The following APOBEC3H variants were observed in gnomAD, a reference collection of about 807,000 sequenced individuals.
The protein encoded by APOBEC3H is DNA dC->dU-editing enzyme APOBEC-3H.
A neutral mutation model predicts 21.2 loss-of-function variants in APOBEC3H; 8 were observed. The ratio of observed to expected loss-of-function variants is 0.38; its 90% CI spans 0.22 to 0.68. The LOEUF (loss-of-function observed/expected upper bound fraction) is 0.68, where lower values mean the gene tolerates loss of function less well. Ranked by LOEUF, APOBEC3H falls within the 30% of genes least tolerant of loss-of-function variation. APOBEC3H has a pLI of 0.52. For synonymous variants in APOBEC3H, 88 were observed against 91.0 expected, an observed-to-expected ratio of 0.97 and a Z score of 0.19; for missense variants, 229 against 228.1, an observed-to-expected ratio of 1.00 and a Z score of -0.03.
In APOBEC3H at chr22:39,102,009, T is replaced by C. The variant is rs756369063; in HGVS notation, c.510T>C (p.Ser170=). ...TGTTAGAGGAGCTAGATAAAAACAG[T>C]CGAGCCATAAAGCGACGGCTTGAGA... ...YKMLEELDKN[S]RAIKRRLERI... Residue 170 remains serine (S), a synonymous_variant, in exon 4 of 5, where the codon AGT becomes AGC. Transcript: ENST00000442487. 1 of 1,595,710 alleles carries C rather than the reference T, an allele frequency of 6.3e-7. No homozygotes were observed. The highest frequency in any genetic ancestry group is 8.5e-7 in the Non-Finnish European group (1 of 1,173,990).
In APOBEC3H at chr22:39,101,300, C is replaced by T; in HGVS notation, c.214C>T (p.Gln72Ter). The T allele has an allele frequency of 3.1e-6, 5 of 1,613,640 alleles. No homozygotes were observed. Among genetic ancestry groups the T allele is most frequent in the Non-Finnish European group, 4.2e-6 (5 of 1,179,952 alleles). Residue 72 changes from glutamine (Q) to a stop codon, truncating the protein, a stop_gained, in exon 3 of 5, where the codon CAG becomes TAG. Coordinates refer to ENST00000442487, the MANE Select transcript of APOBEC3H (RefSeq NM_181773.5). LOFTEE classifies it high-confidence loss of function. Reference protein sequence around the residue: ...EIKSMGLDETQCYQVTCYLTW... With the variant: ...EIKSMGLDET ...CAAGTCCATGGGACTGGACGAAACG[C>T]AGTGCTACCAAGTCACCTGTTACCT... is the stretch of plus-strand genomic sequence containing the variant.
intron 4 of APOBEC3H, 85 bp from the exon 5 acceptor site, chr22:39,103,604 A>G: frequency 6.9e-7 from 1 of 1,439,964 alleles, no homozygotes; most frequent in Non-Finnish European, 9.8e-7. Context: ...TCTCTTCCTA[A>G]TGATCTCATC....
rs1929307895 is a variant in APOBEC3H at position 39,101,292 on chromosome 22, A to G, written c.206A>G (p.Asp69Gly). Residue 69 changes from aspartate (D) to glycine (G), a missense_variant, in exon 3 of 5, where the codon GAC becomes GGC. Transcript: ENST00000442487. ...FINEIKSMGLDETQCYQVTCY... is the reference protein window; with the variant it reads ...FINEIKSMGLGETQCYQVTCY... ...AACGAGATCAAGTCCATGGGACTGG[A>G]CGAAACGCAGTGCTACCAAGTCACC... 1.2e-6 allele frequency: 2 copies of G among 1,613,512 alleles called. No homozygotes were observed. The highest frequency in any genetic ancestry group is 4.5e-5 in the East Asian group (2 of 44,770).
intron 1 of APOBEC3H, among the ~76,000 whole-genome samples, chr22:39,099,829 C>T (rs1929194990): frequency 6.6e-6 from 1 of 152,166 alleles, no homozygotes; most frequent in South Asian, 2.1e-4. Context: ...TGGCCAACAA[C>T]TAAAGGGGAG....
At chr22:39,103,005 T>C (rs1929462556) in intron 4 of APOBEC3H, among the ~76,000 whole-genome samples, 1 of 136,742 alleles carries the variant, frequency 7.3e-6, no homozygotes, top group Non-Finnish European at 1.5e-5. Flanking sequence ...ACTCAACATG[T>C]GCTGAGCATG....
chr22:39,103,893 C>T lies in APOBEC3H; in HGVS notation c.*196C>T, dbSNP rs1385474668. On this transcript the variant is annotated 3_prime_UTR_variant, in exon 5 of 5. Transcript: ENST00000442487. ...CCTGGCCCCATCCAAGTACAGAAGA[C>T]CTTCCTTTCCTCCTTTTTCCATATT... 4.7e-6 allele frequency: 3 copies of T among 644,350 alleles called. No homozygotes were observed. Among genetic ancestry groups the T allele is most frequent in the South Asian group, 3.8e-5 (2 of 53,204 alleles). The allele number at this position is 644,350 out of a possible 1,614,324, so 39.9% of individuals were successfully genotyped here.
intron 1 of APOBEC3H, among the ~76,000 whole-genome samples, chr22:39,099,881 G>T (rs1929199531): frequency 6.6e-6 from 1 of 152,138 alleles, no homozygotes; most frequent in African/African-American, 2.4e-5. Flanking sequence ...GAACAGAAAG[G>T]GTTGGGTTTG....
At chr22:39,103,535 C>A (rs1176525079) in intron 4 of APOBEC3H, among the ~76,000 whole-genome samples, 154 bp from the exon 5 acceptor site, 1 of 152,194 alleles carries the variant, frequency 6.6e-6, no homozygotes, top group East Asian at 1.9e-4. Context: ...TTCTAAGATG[C>A]TCTTGTCACC....
chr22:39,100,282 GCT>G lies in APOBEC3H; in HGVS notation c.7_8del (p.Leu3ValfsTer11), dbSNP rs1369461249. ...CTTTCTGTTGCACAGAAACACGATGGCTCTGTTAACAGCCGAAACATTCCGCT... is the reference window on the plus strand; with the variant it reads ...CTTTCTGTTGCACAGAAACACGATGGCTGTTAACAGCCGAAACATTCCGCT... Reference protein sequence around the residue: MALLTAETFRLQ... With the variant: MXLLTAETFRLQ... On this transcript the variant is annotated frameshift_variant, in exon 2 of 5. Coordinates refer to ENST00000442487, the MANE Select transcript of APOBEC3H (RefSeq NM_181773.5). LOFTEE classifies it high-confidence loss of function. The G allele has an allele frequency of 3.1e-6, 5 of 1,612,202 alleles. No homozygotes were observed. Among genetic ancestry groups the G allele is most frequent in the Non-Finnish European group, 4.2e-6 (5 of 1,178,448 alleles).
chr22:39,100,698 C>T (rs1929262617), intron 2 of APOBEC3H, among the ~76,000 whole-genome samples: 1 of 152,146 alleles, frequency 6.6e-6, no homozygotes, highest in South Asian at 2.1e-4. Flanking sequence ...CTCATTTACT[C>T]ATTCTCCCGA....
intron 1 of APOBEC3H, among the ~76,000 whole-genome samples, chr22:39,099,087 T>C (rs980956555): frequency 1.3e-5 from 2 of 151,942 alleles, no homozygotes; most frequent in Admixed American, 6.6e-5. Flanking sequence ...TCCAGCTACT[T>C]GGGAGGCTGA....
At chr22:39,101,809 CAGAG>C (rs1218672545) in intron 3 of APOBEC3H, 105 bp from the exon 4 acceptor site, 2 of 1,547,986 alleles carry the variant, frequency 1.3e-6, no homozygotes, top group Non-Finnish European at 1.8e-6. Flanking sequence ...ATTCCCCAGA[CAGAG>C]CAATGTCCAG....
intron 4 of APOBEC3H, 49 bp downstream of exon 4, chr22:39,102,091 C>A: frequency 6.3e-7 from 1 of 1,599,498 alleles, no homozygotes; most frequent in South Asian, 1.1e-5. Context: ...CCGCCTGCCG[C>A]AGCCCCATAC....
At chr22:39,098,468 T>A (rs148774203) in intron 1 of APOBEC3H, among the ~76,000 whole-genome samples, 2,194 of 152,180 alleles carry the variant, frequency 0.014, 18 homozygotes, top group Middle Eastern at 0.02. Flanking sequence ...GGAGACCCCC[T>A]TATCTACTAA....
At chr22:39,103,034 C>G (rs1051996356) in intron 4 of APOBEC3H, among the ~76,000 whole-genome samples, 7 of 149,788 alleles carry the variant, frequency 4.7e-5, no homozygotes, top group Admixed American at 2.0e-4. Context: ...TGCCTGTAAT[C>G]CCAGCACTTC....
In APOBEC3H at chr22:39,100,552, C is replaced by G. The variant is rs543740344; in HGVS notation, c.150+124C>G. ...TTTGATGTAACACCCTCTGTGTTTT[C>G]GTAACCCTTGGTGCCTGCCTGGGTT... is the stretch of plus-strand genomic sequence containing the variant. On this transcript the variant is annotated intron_variant, in intron 2 of 4. Transcript: ENST00000442487. The G allele has an allele frequency of 3.7e-6, 5 of 1,338,108 alleles. No individual in the cohort carries two copies. In the South Asian group the frequency reaches 7.4e-5, roughly 20 times the overall value. The allele number at this position is 1,338,108 out of a possible 1,614,324, so 82.9% of individuals were successfully genotyped here.
Position 39,103,939 on chromosome 22 carries a change from G to A in APOBEC3H, c.*242G>A. On this transcript the variant is annotated 3_prime_UTR_variant, in exon 5 of 5. Transcript: ENST00000442487. ...ATATTGCTTTCTGTTCTAAGTGGGT[G>A]AATAATTTTATAATTGAAAAAATAA... The A allele has an allele frequency of 1.9e-6, 1 of 538,570 alleles. No individual in the cohort carries two copies. The highest frequency in any genetic ancestry group is 3.3e-6 in the Non-Finnish European group (1 of 303,162). 33.4% of individuals were successfully genotyped at this position (538,570 alleles called of 1,614,324 possible). A position where few individuals can be genotyped will look rare whatever the true frequency, so the allele number is the denominator to read the frequency against.
intron 4 of APOBEC3H, 119 bp from the exon 5 acceptor site, chr22:39,103,570 G>T (rs139313): frequency 0.46 from 487,916 of 1,057,036 alleles, 118,204 homozygotes; most frequent in African/African-American, 0.8. Flanking sequence ...CAGGCCTTCT[G>T]GGCCCTTCTG....
chr22:39,102,117 C>G, intron 4 of APOBEC3H, 75 bp downstream of exon 4: 1 of 1,559,414 alleles, frequency 6.4e-7, no homozygotes, highest in Non-Finnish European at 8.7e-7. Flanking sequence ...CACACCTCTG[C>G]CCACTGCCCT....
Sources: allele counts gnomAD v4.1 joint callset (sites outside exome capture counted in the v4.1 genomes callset), GRCh38; gene constraint gnomAD v4.1.1; transcripts MANE v1.5; gene names NCBI Gene and HGNC (gene_info 2026-07-23, HGNC 2026-07-21).